EPHA8: variants seen among roughly 807,000 people sequenced by gnomAD.
EPHA8 encodes ephrin type-A receptor 8.
Under a neutral mutation model 103.6 loss-of-function variants are expected in EPHA8, and 58 were observed. The ratio of observed to expected loss-of-function variants is 0.56; its 90% CI spans 0.45 to 0.70. The LOEUF (loss-of-function observed/expected upper bound fraction) is 0.70. EPHA8 is among the 30% of genes least tolerant of loss of function. The probability of loss-of-function intolerance (pLI) is 0.00; values close to 1 mark genes in which losing one functional copy is unlikely to be tolerated. For missense variants in EPHA8, 1,304 were observed against 1,395.2 expected (o/e 0.93, Z 1.04); for synonymous variants, 559 against 572.5 (o/e 0.98, Z 0.34).
intron 5 of EPHA8, among the ~76,000 whole-genome samples, chr1:22,590,763 G>A (rs1196418616): frequency 6.6e-6 from 1 of 151,974 alleles, no homozygotes; most frequent in East Asian, 1.9e-4. Context: ...TTCCACCTTT[G>A]TGCTAACAAC....
rs1203011935 is a variant in EPHA8, at chr1:22,569,743, C to T, written c.159+390C>T. Among the ~76,000 whole-genome samples, 5 of 152,076 alleles carry T rather than the reference C, an allele frequency of 3.3e-5. No individual in the cohort carries two copies. Among genetic ancestry groups the T allele is most frequent in the African/African-American group, 1.2e-4 (5 of 41,412 alleles). On this transcript the variant is annotated intron_variant, in intron 2 of 16. Coordinates refer to ENST00000166244, the MANE Select transcript of EPHA8 (RefSeq NM_020526.5). The surrounding 1 kb of genome is among the most constrained non-coding windows in gnomAD (Gnocchi z 4.5). ...AGTCCTCCGACCTCTGGAGTCTCTG[C>T]TTGTCTGTCTCCCCAATGTGGCCAA...
chr1:22,597,942 C>T lies in EPHA8; in HGVS notation c.2116+81C>T, dbSNP rs1239043350. ...CCTCTGGGTCCATCCCCTCATCCATCCTGCTCTGCCCCACCTGACCCTGTC... is the reference window on the plus strand; with the variant it reads ...CCTCTGGGTCCATCCCCTCATCCATTCTGCTCTGCCCCACCTGACCCTGTC... On this transcript the variant is annotated intron_variant, in intron 11 of 16. Transcript: ENST00000166244. This position sits in a 1 kb window ranked among gnomAD's most constrained non-coding sequence, Gnocchi z 4.6. 7.9e-6 allele frequency: 12 copies of T among 1,526,946 alleles called. No individual in the cohort carries two copies. In the African/African-American group the frequency reaches 1.5e-4, roughly 19 times the overall value. The allele number at this position is 1,526,946 out of a possible 1,614,324, so 94.6% of individuals were successfully genotyped here. A position where few individuals can be genotyped will look rare whatever the true frequency, so the allele number is the denominator to read the frequency against.
Position 22,576,905 on chromosome 1 carries a change from G to T in EPHA8, c.823+25G>T, listed in dbSNP as rs1640724173. ...GGTGAGCGCGCCATGGCCTGGGCAT[G>T]GGTCAGCCGGCAGCGGTGCTTGGTC... On this transcript the variant is annotated intron_variant, in intron 3 of 16. Coordinates refer to ENST00000166244, the MANE Select transcript of EPHA8 (RefSeq NM_020526.5). The surrounding 1 kb of genome is among the most constrained non-coding windows in gnomAD (Gnocchi z 4.8). The T allele has an allele frequency of 6.4e-7, 1 of 1,557,062 alleles. No individual in the cohort carries two copies. Among genetic ancestry groups the T allele is most frequent in the Admixed American group, 1.7e-5 (1 of 57,148 alleles).
In EPHA8 at chr1:22,586,574, C is replaced by T; in HGVS notation, c.918C>T (p.Ala306=). The change falls in exon 4 of 17, where the codon GCC becomes GCT. Residue 306 remains alanine, a synonymous_variant. Transcript: ENST00000166244. ...ACTCCGCAGCTCCAGCCGCCCAAGC[C>T]TGCCACTGTGACCTCAGCTACTACC... The part of the protein sequence containing the change: ...HSHSAAPAAQ[A]CHCDLSYYRA... 6.2e-7 allele frequency: 1 copy of T among 1,614,022 alleles called. No individual in the cohort carries two copies. The highest frequency in any genetic ancestry group is 8.5e-7 in the Non-Finnish European group (1 of 1,180,002).
chr1:22,589,647 C>T lies in EPHA8; in HGVS notation c.1315+441C>T. ...TCACTCGGATGATCATTTTCCAGAA[C>T]AGCTGCTACAGCTGCCCTTGGGATA... On this transcript the variant is annotated intron_variant, in intron 5 of 16. Transcript: ENST00000166244. The surrounding 1 kb of genome is among the most constrained non-coding windows in gnomAD (Gnocchi z 4.3). 3.4e-6 allele frequency: 4 copies of T among 1,176,882 alleles called. No individual in the cohort carries two copies. The highest frequency in any genetic ancestry group is 4.2e-6 in the Non-Finnish European group (4 of 953,284). 72.9% of individuals were successfully genotyped at this position (1,176,882 alleles called of 1,614,324 possible). A position where few individuals can be genotyped will look rare whatever the true frequency, so the allele number is the denominator to read the frequency against.
rs72875416 is a variant in EPHA8 at position 22,573,084 on chromosome 1, C to T, written c.160-3133C>T. On this transcript the variant is annotated intron_variant, in intron 2 of 16. Coordinates refer to ENST00000166244, the MANE Select transcript of EPHA8 (RefSeq NM_020526.5). ...ACAATGACTTTAACCCCAGATGTGA[C>T]GCTGTGCTGCTTGGAGCCTCTGACA... 6.5e-3 allele frequency among the ~76,000 whole-genome samples: 986 copies of T among 152,266 alleles called. 9 individuals are homozygous for T. Among genetic ancestry groups the T allele is most frequent in the East Asian group, 0.025 (131 of 5,172 alleles).
At chr1:22,570,686 A>G (rs771248363) in intron 2 of EPHA8, among the ~76,000 whole-genome samples, 2 of 152,220 alleles carry the variant, frequency 1.3e-5, no homozygotes, top group Non-Finnish European at 2.9e-5. Context: ...GCCTGTTATC[A>G]GCCCTCATGC....
At chr1:22,572,063 A>C (rs895060491) in intron 2 of EPHA8, among the ~76,000 whole-genome samples, 3 of 152,174 alleles carry the variant, frequency 2.0e-5, no homozygotes, top group African/African-American at 7.2e-5. Context: ...TTTCCAGGTG[A>C]TTCTCCTGCC....
rs11803982 is a variant in EPHA8, at chr1:22,601,571, G to C, written c.2904-56G>C. ...GGTCCAGATCCATGGCCCTGGCTGC[G>C]TGCGCGGCTCCCAGCCTCCCAGGCC... is the stretch of plus-strand genomic sequence containing the variant. On this transcript the variant is annotated intron_variant, in intron 16 of 16. Coordinates refer to ENST00000166244, the MANE Select transcript of EPHA8 (RefSeq NM_020526.5). 11 of 1,585,712 alleles carry C rather than the reference G, an allele frequency of 6.9e-6. No homozygotes were observed. In the South Asian group the frequency reaches 1.2e-4, roughly 18 times the overall value.
intron 3 of EPHA8, 106 bp from the exon 4 acceptor site, chr1:22,586,374 C>T (rs1641206666): frequency 1.5e-6 from 2 of 1,377,068 alleles, no homozygotes; most frequent in Middle Eastern, 2.6e-4. Flanking sequence ...GCACCTCCAT[C>T]CCTCTGGGGC....
intron 2 of EPHA8, among the ~76,000 whole-genome samples, chr1:22,575,002 G>A (rs1273311628): frequency 6.6e-6 from 1 of 152,092 alleles, no homozygotes; most frequent in Non-Finnish European, 1.5e-5. Flanking sequence ...TCAGGCTGGA[G>A]AACAGTAGTG....
Position 22,586,464 on chromosome 1 carries a change from G to A in EPHA8, c.824-16G>A, listed in dbSNP as rs200249624. On this transcript the variant is annotated splice_polypyrimidine_tract_variant and intron_variant, in intron 3 of 16. Transcript: ENST00000166244. ...TGGCCCTGCTGGCTCATGTGCAGCC[G>A]CCTTCTCCTCCACAGCCTGTGAGCT... is the stretch of plus-strand genomic sequence containing the variant. The A allele has an allele frequency of 2.2e-4, 355 of 1,611,670 alleles. No individual in the cohort carries two copies. Among genetic ancestry groups the A allele is most frequent in the Non-Finnish European group, 2.9e-4 (347 of 1,178,922 alleles).
At chr1:22,577,969 G>GTA (rs1380649743) in intron 3 of EPHA8, among the ~76,000 whole-genome samples, 1 of 94,372 alleles carries the variant, frequency 1.1e-5, no homozygotes, top group East Asian at 3.2e-4. Flanking sequence ...GTGTGTGCAT[G>GTA]TGCGTATGTG....
Position 22,576,775 on chromosome 1 carries a change from C to T in EPHA8, c.718C>T (p.Arg240Trp), listed in dbSNP as rs202149500. Residue 240 changes from arginine to tryptophan, a missense_variant, in exon 3 of 17, where the codon CGG (arginine) becomes TGG (tryptophan). Coordinates refer to ENST00000166244, the MANE Select transcript of EPHA8 (RefSeq NM_020526.5). This position sits in a 1 kb window ranked among gnomAD's most constrained non-coding sequence, Gnocchi z 4.8. ...CCAGTGCGTGCGGCACTCAGAGGAG[C>T]GGGACACACCCAAGATGTACTGCAG... ...RGQCVRHSEE[R>W]DTPKMYCSAE... The T allele has an allele frequency of 9.9e-6, 16 of 1,613,750 alleles. No individual in the cohort carries two copies. In the Admixed American group the frequency reaches 2.7e-4, roughly 27 times the overall value.
At chr1:22,591,029 C>T (rs1641358432) in intron 5 of EPHA8, among the ~76,000 whole-genome samples, 1 of 151,864 alleles carries the variant, frequency 6.6e-6, no homozygotes, top group Non-Finnish European at 1.5e-5. Context: ...CCTGGACCAC[C>T]ACAGGAGACC....
chr1:22,595,968 C>T, intron 8 of EPHA8, 138 bp from the exon 9 acceptor site: 1 of 703,988 alleles, frequency 1.4e-6, no homozygotes, highest in Non-Finnish European at 2.4e-6. Context: ...CTCTCCCCTG[C>T]AGACTTTGTA....
At chr1:22,579,560 C>T (rs944970426) in intron 3 of EPHA8, among the ~76,000 whole-genome samples, 4 of 152,164 alleles carry the variant, frequency 2.6e-5, no homozygotes, top group African/African-American at 4.8e-5. Context: ...GAGTGGGGAA[C>T]ACTAAGCAAG....
chr1:22,587,109 T>C (rs1219902164), intron 4 of EPHA8, among the ~76,000 whole-genome samples: 2 of 152,202 alleles, frequency 1.3e-5, no homozygotes, highest in Non-Finnish European at 2.9e-5. Flanking sequence ...TGTGTACCCA[T>C]GGAGTTCGAA....
At chr1:22,568,143 C>G (rs1640420179) in intron 1 of EPHA8, among the ~76,000 whole-genome samples, 1 of 152,196 alleles carries the variant, frequency 6.6e-6, no homozygotes, top group Non-Finnish European at 1.5e-5. Flanking sequence ...CCAGCCCTGG[C>G]TCCAGGCTTC....
Sources: gnomAD v4.1 joint callset for allele counts (sites outside exome capture counted in the v4.1 genomes callset) on GRCh38, gnomAD v4.1.1 for gene constraint, Gnocchi (gnomAD v3.1) non-coding constraint, MANE v1.5 for transcripts, NCBI Gene and HGNC (gene_info 2026-07-23, HGNC 2026-07-21) for gene names.